Variants in WIPF1 observed in about 807,000 individuals in gnomAD.
The protein encoded by WIPF1 is WAS/WASL interacting protein family member 1, also known as WAS/WASL-interacting protein family member 1.
Under a neutral mutation model 35.4 loss-of-function variants are expected in WIPF1, and 13 were observed. That is an observed-to-expected ratio of 0.37 (90% CI 0.24 to 0.58). The LOEUF (loss-of-function observed/expected upper bound fraction) is 0.58, where lower values mean the gene tolerates loss of function less well. Ranked by LOEUF, WIPF1 falls within the 20% of genes least tolerant of loss-of-function variation. The pLI is 0.74. For synonymous variants in WIPF1, 267 were observed against 266.3 expected (o/e 1.00, Z -0.02); for missense variants, 591 against 667.0 (o/e 0.89, Z 1.25).
In WIPF1 at chr2:174,581,344, C is replaced by A; in HGVS notation, c.147G>T (p.Thr49=). 1.2e-6 allele frequency: 2 copies of A among 1,613,958 alleles called. No homozygotes were observed. Among genetic ancestry groups the A allele is most frequent in the South Asian group, 1.1e-5 (1 of 91,072 alleles). ...DISKGKKLKK[T]VTNDRSAPIL... ...TTGGTGCACTTCTGTCATTGGTGAC[C>A]GTCTTCTTTAGTTTCTTCCCTTTGC... Residue 49 remains threonine (T), a synonymous_variant, in exon 3 of 8, where the codon ACG becomes ACT. Coordinates refer to ENST00000679041, the MANE Select transcript of WIPF1 (RefSeq NM_001375834.1).
At chr2:174,585,723 G>C (rs74884614) in intron 1 of WIPF1, 112 bp from the exon 2 acceptor site, 19,077 of 755,998 alleles carry the variant, frequency 0.025, 305 homozygotes, top group Non-Finnish European at 0.032. Context: ...ACTCTTAGAA[G>C]AGATGGGCTT....
rs1684684310 is a variant in WIPF1 at position 174,567,060 on chromosome 2, A to G, written c.1456+10T>C. The G allele has an allele frequency of 1.2e-6, 2 of 1,613,564 alleles. No homozygotes were observed. The highest frequency in any genetic ancestry group is 1.7e-6 in the Non-Finnish European group (2 of 1,179,454). On this transcript the variant is annotated intron_variant, in intron 7 of 7. Coordinates refer to ENST00000679041, the MANE Select transcript of WIPF1 (RefSeq NM_001375834.1). ...CGTGAATCTTCAAAAACCTTGGCAG[A>G]AATACTCACTCCGGCTTTCGTTTCT...
intron 1 of WIPF1, among the ~76,000 whole-genome samples, chr2:174,613,486 C>G (rs115478844): frequency 6.6e-6 from 1 of 152,192 alleles, no homozygotes; most frequent in Non-Finnish European, 1.5e-5. Flanking sequence ...TTCCACCTGG[C>G]TCTTCCCAAG....
intron 1 of WIPF1, among the ~76,000 whole-genome samples, chr2:174,596,124 A>T (rs749286008): frequency 6.6e-6 from 1 of 152,184 alleles, no homozygotes; most frequent in Non-Finnish European, 1.5e-5. Context: ...ACTAATTTTC[A>T]CCACAGGGAG....
chr2:174,674,800 T>G (rs1688094090), intron 1 of WIPF1, among the ~76,000 whole-genome samples: 2 of 152,118 alleles, frequency 1.3e-5, no homozygotes, highest in Admixed American at 1.3e-4. Context: ...TTTCAAATAG[T>G]GTCAGTGAGA....
chr2:174,575,028 C>T (rs1685000748), intron 4 of WIPF1, 176 bp downstream of exon 4: 1 of 868,034 alleles, frequency 1.2e-6, no homozygotes, highest in African/African-American at 1.7e-5. Context: ...GCTGTCTGAT[C>T]CTGGTTAATA....
intron 1 of WIPF1, among the ~76,000 whole-genome samples, chr2:174,619,327 CTTAT>C (rs1481774140): frequency 5.3e-5 from 8 of 152,134 alleles, no homozygotes; most frequent in Non-Finnish European, 7.3e-5. Context: ...TACTTAATCA[CTTAT>C]TTATTTAACA....
chr2:174,572,728 T>C (rs190385766), intron 4 of WIPF1, among the ~76,000 whole-genome samples: 1 of 152,260 alleles, frequency 6.6e-6, no homozygotes, highest in East Asian at 1.9e-4. Flanking sequence ...CAGGATGAAG[T>C]GGGCGAGAGT....
At position 174,572,385 on chromosome 2, in the gene WIPF1, G is replaced by A; in HGVS notation, c.420C>T (p.Pro140=). ...TCCCTGGGCCACTTGGGGGTGAAAA[G>A]GGTTTCGCAGATGTGGATCTTCCTC... is the stretch of plus-strand genomic sequence containing the variant. ...PPGGRSTSAK[P]FSPPSGPGRF... Residue 140 remains proline, a synonymous_variant, in exon 5 of 8, where the codon CCC becomes CCT. Transcript: ENST00000679041. 1 of 1,614,172 alleles carries A rather than the reference G, an allele frequency of 6.2e-7. No homozygotes were observed.
chr2:174,566,785 G>A (rs1368860061), intron 7 of WIPF1: 2 of 315,260 alleles, frequency 6.3e-6, no homozygotes, highest in East Asian at 5.9e-5. Context: ...TCAGGAAGAT[G>A]AAAACAGAGG....
chr2:174,640,085 G>T (rs1336583720), intron 1 of WIPF1, among the ~76,000 whole-genome samples: 1 of 151,944 alleles, frequency 6.6e-6, no homozygotes, highest in East Asian at 1.9e-4. Flanking sequence ...ATTCAATAAA[G>T]TTGCAGGATA....
chr2:174,595,109 A>AAAAAAAAT (rs1553529785), intron 1 of WIPF1, among the ~76,000 whole-genome samples: 42 of 57,740 alleles, frequency 7.3e-4, no homozygotes, highest in Non-Finnish European at 8.7e-4. Flanking sequence ...AAAAAAAAAA[A>AAAAAAAAT]ATATATATAT....
intron 1 of WIPF1, among the ~76,000 whole-genome samples, chr2:174,605,469 G>T (rs1238159727): frequency 6.6e-6 from 1 of 152,092 alleles, no homozygotes; most frequent in African/African-American, 2.4e-5. Flanking sequence ...GCAACGTGTA[G>T]ATGTTACTTG....
At chr2:174,677,788 A>G (rs1688166540) in intron 1 of WIPF1, among the ~76,000 whole-genome samples, 1 of 152,186 alleles carries the variant, frequency 6.6e-6, no homozygotes, top group South Asian at 2.1e-4. Flanking sequence ...GGAGAGGAGG[A>G]ATGGCAATGC....
Sources: gnomAD v4.1 joint callset for allele counts (sites outside exome capture counted in the v4.1 genomes callset) on GRCh38, gnomAD v4.1.1 for gene constraint, MANE v1.5 for transcripts, NCBI Gene and HGNC (gene_info 2026-07-23, HGNC 2026-07-21) for gene names.